The following C1orf21 variants were observed in gnomAD, a reference collection of about 807,000 sequenced individuals.
C1orf21 encodes chromosome 1 open reading frame 21, also known as uncharacterized protein C1orf21.
In C1orf21, 3 loss-of-function variants were observed where a neutral mutation model predicts 18.7. That is an observed-to-expected ratio of 0.16 (90% confidence interval 0.07 to 0.42). The LOEUF is 0.42. C1orf21 is among the 10% of genes least tolerant of loss of function. The pLI, the probability that C1orf21 is intolerant of heterozygous loss-of-function variation, is 0.99. For missense variants in C1orf21, 104 were observed against 143.6 expected (o/e 0.72, Z 1.41); for synonymous variants, 41 against 46.4 (o/e 0.88, Z 0.47).
At chr1:184,599,120 A>G (rs1183172803) in intron 5 of C1orf21, among the ~76,000 whole-genome samples, 1 of 152,202 alleles carries the variant, frequency 6.6e-6, no homozygotes, top group East Asian at 1.9e-4. Context: ...AAGAGTTTAC[A>G]TACTTACAGA....
At chr1:184,611,112 AAC>A (rs1659730587) in intron 5 of C1orf21, among the ~76,000 whole-genome samples, 1 of 152,166 alleles carries the variant, frequency 6.6e-6, no homozygotes, top group African/African-American at 2.4e-5. Context: ...CTGAAACAAT[AAC>A]ACGTGAGTCT....
rs1245073826 is a variant in C1orf21, at chr1:184,625,339, G to A, written c.*5783G>A. On this transcript the variant is annotated 3_prime_UTR_variant, in exon 6 of 6. Coordinates refer to ENST00000235307, the MANE Select transcript of C1orf21 (RefSeq NM_030806.4). ...ACTCTAAAGGGAGAGAATAGCCCCT[G>A]TGTCCTGGCATTTCAGTCTAGACCT... 1 of 152,732 alleles carries A rather than the reference G, an allele frequency of 6.5e-6. No homozygotes were observed. Among genetic ancestry groups the A allele is most frequent in the East Asian group, 1.9e-4 (1 of 5,182 alleles). The allele number at this position is 152,732 out of a possible 1,614,324, so 9.5% of individuals were successfully genotyped here.
At chr1:184,514,156 T>C (rs1469416577) in intron 3 of C1orf21, among the ~76,000 whole-genome samples, 2 of 152,048 alleles carry the variant, frequency 1.3e-5, no homozygotes, top group Non-Finnish European at 2.9e-5. Flanking sequence ...AAAAATAGAA[T>C]TAGCTGTGCC....
At chr1:184,587,222 G>C (rs531895076) in intron 3 of C1orf21, among the ~76,000 whole-genome samples, 123 of 142,340 alleles carry the variant, frequency 8.6e-4, no homozygotes, top group African/African-American at 2.9e-3. Context: ...GATGCCTCCA[G>C]CTTTGTTCTT....
At chr1:184,456,481 G>C (rs957568727) in intron 1 of C1orf21, among the ~76,000 whole-genome samples, 2 of 152,074 alleles carry the variant, frequency 1.3e-5, no homozygotes, top group Non-Finnish European at 2.9e-5. Context: ...CAGCAAAAAG[G>C]CAATATGAAA....
intron 1 of C1orf21, among the ~76,000 whole-genome samples, chr1:184,471,595 G>A (rs1468528302): frequency 6.6e-6 from 1 of 151,940 alleles, no homozygotes; most frequent in South Asian, 2.1e-4. Flanking sequence ...ACCAGAGCTC[G>A]GGCTTCTCAT....
intron 1 of C1orf21, among the ~76,000 whole-genome samples, chr1:184,418,214 T>C (rs1191940080): frequency 5.8e-5 from 8 of 137,914 alleles, no homozygotes; most frequent in Admixed American, 1.4e-4. Context: ...AATAGAGTTA[T>C]CATAACTTCT....
At chr1:184,411,579 G>A (rs1287731791) in intron 1 of C1orf21, among the ~76,000 whole-genome samples, 1 of 151,670 alleles carries the variant, frequency 6.6e-6, no homozygotes, top group African/African-American at 2.4e-5. Flanking sequence ...CCGCCATCAC[G>A]CCTGGCTATT....
chr1:184,547,138 T>C (rs1047007882), intron 3 of C1orf21, among the ~76,000 whole-genome samples: 1 of 151,968 alleles, frequency 6.6e-6, no homozygotes, highest in African/African-American at 2.4e-5. Context: ...GAACTGAGTC[T>C]AGAGAAGGAG....
chr1:184,538,631 G>T (rs750593567), intron 3 of C1orf21, among the ~76,000 whole-genome samples: 5 of 152,064 alleles, frequency 3.3e-5, no homozygotes, highest in Admixed American at 2.0e-4. Context: ...AGGTCATTTT[G>T]TACATAGTAT....
intron 3 of C1orf21, among the ~76,000 whole-genome samples, chr1:184,576,753 G>C (rs368057807): frequency 6.6e-6 from 1 of 152,236 alleles, no homozygotes; most frequent in South Asian, 2.1e-4. Flanking sequence ...ACTGCTGCCC[G>C]AGTGGTCTTT....
chr1:184,447,156 G>A (rs1657047629), intron 1 of C1orf21, among the ~76,000 whole-genome samples: 1 of 152,012 alleles, frequency 6.6e-6, no homozygotes, highest in Admixed American at 6.6e-5. Flanking sequence ...TCTTCTGTGT[G>A]CTCTGCTTCT....
At chr1:184,391,405 G>A (rs905766077) in intron 1 of C1orf21, among the ~76,000 whole-genome samples, 7 of 152,170 alleles carry the variant, frequency 4.6e-5, no homozygotes. Context: ...AATTGGCCAA[G>A]CTACTGGAAG....
intron 1 of C1orf21, among the ~76,000 whole-genome samples, chr1:184,449,129 C>A (rs1213971018): frequency 1.3e-5 from 2 of 151,856 alleles, no homozygotes; most frequent in Admixed American, 6.6e-5. Context: ...ATACATGTGC[C>A]ATGTTGGTGT....
At chr1:184,396,077 G>T (rs1656046277) in intron 1 of C1orf21, among the ~76,000 whole-genome samples, 2 of 152,204 alleles carry the variant, frequency 1.3e-5, no homozygotes, top group Non-Finnish European at 2.9e-5. Context: ...GAGCCATGTG[G>T]TTATGGATTG....
intron 1 of C1orf21, among the ~76,000 whole-genome samples, chr1:184,446,532 G>A (rs920533515): frequency 6.6e-6 from 1 of 152,112 alleles, no homozygotes; most frequent in African/African-American, 2.4e-5. Flanking sequence ...AAATGAACAT[G>A]TTAAATGATA....
Position 184,622,709 on chromosome 1 carries a change from C to T in C1orf21, c.*3153C>T, listed in dbSNP as rs1250092008. ...CACAGAAGCCTGCTGGAAGACAGGTCTCTCTCCGTCCACAGTGCCCATCAT... is the reference window on the plus strand; with the variant it reads ...CACAGAAGCCTGCTGGAAGACAGGTTTCTCTCCGTCCACAGTGCCCATCAT... On this transcript the variant is annotated 3_prime_UTR_variant, in exon 6 of 6. Transcript: ENST00000235307. 2 of 152,730 alleles carry T rather than the reference C, an allele frequency of 1.3e-5. No individual in the cohort carries two copies. The highest frequency in any genetic ancestry group is 4.8e-5 in the African/African-American group (2 of 41,432). 9.5% of individuals were successfully genotyped at this position (152,730 alleles called of 1,614,324 possible).
chr1:184,587,524 TTGTGTGTGTGTGTGTGTGTGTGTGTGTG>T (rs3034486), intron 3 of C1orf21, among the ~76,000 whole-genome samples: 2 of 139,632 alleles, frequency 1.4e-5, no homozygotes. Flanking sequence ...TTCCTAGGAA[TTGTGTGTGTGTGTGTGTGTGTGTGTGTG>T]TGTGTGTGTG....
intron 3 of C1orf21, among the ~76,000 whole-genome samples, chr1:184,565,326 A>C (rs1659020676): frequency 6.6e-6 from 1 of 152,242 alleles, no homozygotes; most frequent in Non-Finnish European, 1.5e-5. Flanking sequence ...TTGATATAAT[A>C]ATAGTGTTTT....
Sources: allele counts gnomAD v4.1 joint callset (sites outside exome capture counted in the v4.1 genomes callset), GRCh38; gene constraint gnomAD v4.1.1; transcripts MANE v1.5; gene names NCBI Gene and HGNC (gene_info 2026-07-23, HGNC 2026-07-21).